The following DOCK1 variants were observed in gnomAD, a reference collection of about 807,000 sequenced individuals.
DOCK1 encodes dedicator of cytokinesis protein 1.
A neutral mutation model predicts 262.7 loss-of-function variants in DOCK1; 138 were observed. The observed-to-expected ratio is 0.53, with a 90% confidence interval of 0.46 to 0.61. The LOEUF is 0.61. Among genes scored for constraint, DOCK1 ranks in the 20% least tolerant of loss-of-function variants. The pLI, the probability that DOCK1 is intolerant of heterozygous loss-of-function variation, is 0.00. For synonymous variants in DOCK1, 866 were observed against 867.4 expected, an observed-to-expected ratio of 1.00 and a Z score of 0.03; for missense variants, 1,908 against 2,370.7, an observed-to-expected ratio of 0.80 and a Z score of 4.05.
At chr10:127,280,322 C>T (rs754844441) in intron 29 of DOCK1, among the ~76,000 whole-genome samples, 1 of 152,148 alleles carries the variant, frequency 6.6e-6, no homozygotes, top group Non-Finnish European at 1.5e-5. Flanking sequence ...GCGTGAGCCA[C>T]CGCGCCCGGC....
chr10:126,938,347 C>G (rs1343036249), intron 1 of DOCK1, among the ~76,000 whole-genome samples: 1 of 152,200 alleles, frequency 6.6e-6, no homozygotes, highest in Non-Finnish European at 1.5e-5. Flanking sequence ...TGCGCCCGGC[C>G]TGGCTTCATT....
chr10:127,262,517 T>G (rs1410778507), intron 29 of DOCK1, among the ~76,000 whole-genome samples: 1 of 152,186 alleles, frequency 6.6e-6, no homozygotes, highest in African/African-American at 2.4e-5. Context: ...TGCCCCCATA[T>G]GCTGCCCTTT....
At chr10:127,095,775 C>G (rs1478372286) in intron 23 of DOCK1, among the ~76,000 whole-genome samples, 2 of 152,008 alleles carry the variant, frequency 1.3e-5, no homozygotes, top group Non-Finnish European at 2.9e-5. Context: ...CCTGAGAAAC[C>G]CAGGAGACCC....
chr10:127,323,765 C>G (rs994469556), intron 29 of DOCK1, among the ~76,000 whole-genome samples: 1 of 152,226 alleles, frequency 6.6e-6, no homozygotes, highest in African/African-American at 2.4e-5. Flanking sequence ...GAGGGCATTT[C>G]TGAGCTCCTG....
At chr10:126,977,889 A>C in intron 2 of DOCK1, 59 bp from the exon 3 acceptor site, 1 of 1,532,904 alleles carries the variant, frequency 6.5e-7, no homozygotes, top group South Asian at 1.1e-5. Context: ...TCATGAATGT[A>C]TTGTGAGGAC....
Position 127,000,324 on chromosome 10 carries a change from T to A in DOCK1, c.985+17T>A, listed in dbSNP as rs144846243. 6.0e-4 allele frequency: 971 copies of A among 1,612,156 alleles called. 4 individuals carry two copies. In the African/African-American group the frequency reaches 0.012, roughly 19 times the overall value. On this transcript the variant is annotated intron_variant, in intron 10 of 51. Transcript: ENST00000623213. ...GAGTGGCTGGTAATCTATTTCTCTG[T>A]GTTTCCTTGAGAGTTTCAGATCTTC... is the stretch of plus-strand genomic sequence containing the variant.
At chr10:127,377,361 A>G (rs1304543399) in intron 35 of DOCK1, among the ~76,000 whole-genome samples, 3 of 152,226 alleles carry the variant, frequency 2.0e-5, no homozygotes, top group African/African-American at 7.2e-5. Context: ...CCATCTCTAA[A>G]TGAATATAGA....
chr10:127,426,127 G>A, intron 47 of DOCK1, 116 bp downstream of exon 47: 1 of 1,522,962 alleles, frequency 6.6e-7, no homozygotes, highest in African/African-American at 1.4e-5. Context: ...TGCCCGCTTA[G>A]GAAGTGGGAT....
At chr10:127,343,013 G>A (rs1480615901) in intron 30 of DOCK1, among the ~76,000 whole-genome samples, 1 of 152,166 alleles carries the variant, frequency 6.6e-6, no homozygotes, top group Non-Finnish European at 1.5e-5. Context: ...GGGAGGCTGA[G>A]GGAGGTGGAT....
chr10:127,112,821 A>T (rs1171231908), intron 25 of DOCK1, among the ~76,000 whole-genome samples: 1 of 152,218 alleles, frequency 6.6e-6, no homozygotes, highest in African/African-American at 2.4e-5. Flanking sequence ...CTAAATGCTT[A>T]GTGGTTGCCT....
At chr10:127,083,857 A>G (rs1337328879) in intron 23 of DOCK1, among the ~76,000 whole-genome samples, 1 of 152,212 alleles carries the variant, frequency 6.6e-6, no homozygotes, top group African/African-American at 2.4e-5. Flanking sequence ...CAACCACTCT[A>G]CCTTGCTTTA....
At chr10:127,403,194 G>T in intron 39 of DOCK1, 50 bp downstream of exon 39, 1 of 1,530,042 alleles carries the variant, frequency 6.5e-7, no homozygotes, top group Admixed American at 2.0e-5. Flanking sequence ...ATCTCAGCTG[G>T]TTTTTCAGGA....
chr10:127,050,494 C>T (rs1229005549), intron 21 of DOCK1, among the ~76,000 whole-genome samples: 2 of 152,002 alleles, frequency 1.3e-5, no homozygotes, highest in African/African-American at 2.4e-5. Context: ...GGGTGGATCA[C>T]GAGGTCAGGA....
chr10:127,269,568 G>A (rs1372801526), intron 29 of DOCK1, among the ~76,000 whole-genome samples: 7 of 152,182 alleles, frequency 4.6e-5, no homozygotes, highest in African/African-American at 1.7e-4. Context: ...TATGTGACAT[G>A]GCTGACACTC....
intron 27 of DOCK1, among the ~76,000 whole-genome samples, chr10:127,228,660 G>T (rs1291119405): frequency 1.3e-5 from 2 of 152,212 alleles, no homozygotes; most frequent in Non-Finnish European, 2.9e-5. Flanking sequence ...CCTTGTTACT[G>T]CTGATTGAAT....
chr10:126,925,887 G>C (rs914130334), intron 1 of DOCK1, among the ~76,000 whole-genome samples: 3 of 148,032 alleles, frequency 2.0e-5, no homozygotes, highest in African/African-American at 7.4e-5. Context: ...ATGTGTGTTG[G>C]GTGGGGTTGG....
chr10:127,012,321 A>G lies in DOCK1; in HGVS notation c.1148A>G (p.Gln383Arg). ...GTGGCAGGGGAGAATGACTTCCTTC[A>G]GACTGTTATAAACAAAGTCATCGCT... ...PRVAGENDFL[Q>R]TVINKVIAAK... The change falls in exon 12 of 52, where the codon CAG becomes CGG. Residue 383 changes from glutamine to arginine, a missense_variant. Physicochemically the swap from Gln to Arg is conservative, Grantham distance 43. Transcript: ENST00000623213. The surrounding 1 kb of genome is among the most constrained non-coding windows in gnomAD (Gnocchi z 4.0). 6.2e-7 allele frequency: 1 copy of G among 1,613,998 alleles called. No individual in the cohort carries two copies. The highest frequency in any genetic ancestry group is 8.5e-7 in the Non-Finnish European group (1 of 1,179,896).
rs560449326 is a variant in DOCK1 at position 127,108,803 on chromosome 10, A to G, written c.2517-1445A>G. On this transcript the variant is annotated intron_variant, in intron 24 of 51. Transcript: ENST00000623213. The stretch of plus-strand genomic sequence containing the variant: ...AATAGGTTTTGCACAAAGCACTTGT[A>G]TTAGTCCATTAATCTTTACAACAAT... Among the ~76,000 whole-genome samples, 162 of 152,312 alleles carry G rather than the reference A, an allele frequency of 1.1e-3. 1 individual carries two copies. Among genetic ancestry groups the G allele is most frequent in the African/African-American group, 3.7e-3 (152 of 41,576 alleles).
intron 29 of DOCK1, among the ~76,000 whole-genome samples, chr10:127,296,438 AAAG>A (rs1189872895): frequency 6.6e-6 from 1 of 152,282 alleles, no homozygotes; most frequent in Admixed American, 6.5e-5. Flanking sequence ...GTTTTGCATA[AAAG>A]AAGATTATCC....
Sources: allele counts gnomAD v4.1 joint callset (sites outside exome capture counted in the v4.1 genomes callset), GRCh38; gene constraint gnomAD v4.1.1; non-coding constraint Gnocchi (gnomAD v3.1); transcripts MANE v1.5; gene names NCBI Gene and HGNC (gene_info 2026-07-23, HGNC 2026-07-21).